Variants in GBA2 observed in about 807,000 individuals in gnomAD.
The protein encoded by GBA2 is non-lysosomal glucosylceramidase.
In GBA2, 79 loss-of-function variants were observed where a neutral mutation model predicts 112.9. The observed-to-expected ratio is 0.70, with a 90% CI of 0.58 to 0.84. The LOEUF is 0.84. Ranked by LOEUF, GBA2 falls within the 40% of genes least tolerant of loss-of-function variation. GBA2 has a pLI of 0.00. For missense variants in GBA2, 1,043 were observed against 1,190.0 expected (o/e 0.88, Z 1.82); for synonymous variants, 403 against 434.3 (o/e 0.93, Z 0.90).
At chr9:35,744,540 G>A in intron 2 of GBA2, 75 bp downstream of exon 2, 2 of 1,076,230 alleles carry the variant, frequency 1.9e-6, no homozygotes, top group East Asian at 2.4e-5. Flanking sequence ...GCATAAGCTG[G>A]AAGTCTCTTC....
chr9:35,748,537 C>T lies in GBA2; in HGVS notation c.168G>A (p.Glu56=). The T allele has an allele frequency of 6.2e-7, 1 of 1,614,220 alleles. No individual in the cohort carries two copies. Among genetic ancestry groups the T allele is most frequent in the Non-Finnish European group, 8.5e-7 (1 of 1,180,030 alleles). ...KSPEDSRPPK[E]TDCCNPEDSG... is the part of the protein sequence containing the mutation. ...AGTCCTCCGGATTGCAGCAGTCCGT[C>T]TCTTTTGGGGGTCGGCTGTCTTCGG... is the stretch of plus-strand genomic sequence containing the variant. The change falls in exon 1 of 17, where the codon GAG becomes GAA. Residue 56 remains glutamate, a synonymous_variant. Coordinates refer to ENST00000378103, the MANE Select transcript of GBA2 (RefSeq NM_020944.3).
intron 3 of GBA2, among the ~76,000 whole-genome samples, chr9:35,742,391 C>T (rs903092148): frequency 3.3e-5 from 5 of 152,192 alleles, no homozygotes; most frequent in African/African-American, 9.7e-5. Context: ...ACATTCTCTC[C>T]TCCATGCCTG....
In GBA2 at chr9:35,738,132, T is replaced by C. The variant is rs1826359281; in HGVS notation, c.2218A>G (p.Ser740Gly). Residue 740 changes from serine (S) to glycine (G), a missense_variant, in exon 15 of 17, where the codon AGC (serine) becomes GGC (glycine). By Grantham distance (56) the Ser-to-Gly change is moderately conservative. Transcript: ENST00000378103. ...CTACGAGACTGAGGCCGAGAGCTGCTGTCATAGTTGTAATAGCGGCCTGGA... is the reference window on the plus strand; with the variant it reads ...CTACGAGACTGAGGCCGAGAGCTGCCGTCATAGTTGTAATAGCGGCCTGGA... Reference protein sequence around the residue: ...LWNGRYYNYDSSSRPQSRSVM... With the variant: ...LWNGRYYNYDGSSRPQSRSVM... 6.2e-7 allele frequency: 1 copy of C among 1,613,926 alleles called. No homozygotes were observed. The highest frequency in any genetic ancestry group is 1.1e-5 in the South Asian group (1 of 91,082).
rs1232419832 is a variant in GBA2 at position 35,739,377 on chromosome 9, T to C, written c.1625A>G (p.Tyr542Cys). 2 of 1,613,532 alleles carry C rather than the reference T, an allele frequency of 1.2e-6. No individual in the cohort carries two copies. The highest frequency in any genetic ancestry group is 1.3e-5 in the African/African-American group (1 of 74,860). Residue 542 changes from tyrosine (Y) to cysteine (C), a missense_variant, in exon 10 of 17, where the codon TAT becomes TGT. Physicochemically the swap from Tyr to Cys is radical, Grantham distance 194 (BLOSUM62 -2). Coordinates refer to ENST00000378103, the MANE Select transcript of GBA2 (RefSeq NM_020944.3). ...RMYNTYDVHF[Y>C]ASFALIMLWP... ...GAGCATGATGAGGGCAAAGGAAGCA[T>C]AAAAGTGGACATCATATGTGTTGTA...
In GBA2 at chr9:35,741,102, A is replaced by G. The variant is rs369191964; in HGVS notation, c.787-38T>C. ...GATTAGACTCAGACGGTCCCAGTAG[A>G]GCGCCTCCTGACCCCACTCTGCTAG... On this transcript the variant is annotated intron_variant, in intron 4 of 16. Coordinates refer to ENST00000378103, the MANE Select transcript of GBA2 (RefSeq NM_020944.3). The surrounding 1 kb of genome is among the most constrained non-coding windows in gnomAD (Gnocchi z 4.6). 6 of 1,609,874 alleles carry G rather than the reference A, an allele frequency of 3.7e-6. No individual in the cohort carries two copies. The African/African-American group carries it at 8.0e-5, about 22-fold the overall frequency.
chr9:35,742,523 A>G (rs1826750440), intron 3 of GBA2, among the ~76,000 whole-genome samples: 1 of 152,130 alleles, frequency 6.6e-6, no homozygotes, highest in East Asian at 1.9e-4. Context: ...CTCCCCTTCT[A>G]TTCTAGCATT....
chr9:35,737,020 A>AC lies in GBA2; in HGVS notation c.*148dup. 8.2e-7 allele frequency: 1 copy of AC among 1,224,184 alleles called. No individual in the cohort carries two copies. The highest frequency in any genetic ancestry group is 1.1e-6 in the Non-Finnish European group (1 of 892,670). 75.8% of individuals were successfully genotyped at this position (1,224,184 alleles called of 1,614,324 possible). On this transcript the variant is annotated 3_prime_UTR_variant, in exon 17 of 17. Coordinates refer to ENST00000378103, the MANE Select transcript of GBA2 (RefSeq NM_020944.3). This position sits in a 1 kb window ranked among gnomAD's most constrained non-coding sequence, Gnocchi z 4.1. Reference sequence around the variant, plus strand: ...TCTAATGCTGCCTAGGTCACCCTCAACCCCCATTTACTGGCACAATTGGGT... The same window carrying AC: ...TCTAATGCTGCCTAGGTCACCCTCAACCCCCCATTTACTGGCACAATTGGGT...
At chr9:35,744,456 T>C (rs989017838) in intron 2 of GBA2, 44 bp from the exon 3 acceptor site, 6 of 1,223,710 alleles carry the variant, frequency 4.9e-6, no homozygotes. Context: ...GAGAGGAAAA[T>C]AAGCCCATTT....
intron 15 of GBA2, 25 bp downstream of exon 15, chr9:35,738,012 C>A (rs1174383418): frequency 6.3e-7 from 1 of 1,592,546 alleles, no homozygotes; most frequent in East Asian, 2.3e-5. Flanking sequence ...ATTTTTCTCT[C>A]TGGCTGCTCC....
intron 3 of GBA2, among the ~76,000 whole-genome samples, chr9:35,742,822 T>C (rs532924384): frequency 1.3e-5 from 2 of 152,252 alleles, no homozygotes; most frequent in Non-Finnish European, 2.9e-5. Context: ...GAGGGATTAA[T>C]ATCCCTTTCC....
In GBA2 at chr9:35,748,790, T is replaced by C. The variant is rs1263353679; in HGVS notation, c.-86A>G. 1.2e-6 allele frequency: 1 copy of C among 828,946 alleles called. No homozygotes were observed. Among genetic ancestry groups the C allele is most frequent in the Non-Finnish European group, 1.9e-6 (1 of 525,488 alleles). The allele number at this position is 828,946 out of a possible 1,614,324, so 51.3% of individuals were successfully genotyped here. Reference sequence around the variant, plus strand: ...GATGCGGGCGCCGGTCGTTGTTAGGTATCGTCCCGGAGGGCCGGGCGTTGG... The same window carrying C: ...GATGCGGGCGCCGGTCGTTGTTAGGCATCGTCCCGGAGGGCCGGGCGTTGG... On this transcript the variant is annotated 5_prime_UTR_variant, in exon 1 of 17. It adds an upstream start codon to the 5' untranslated region. Coordinates refer to ENST00000378103, the MANE Select transcript of GBA2 (RefSeq NM_020944.3).
At position 35,740,142 on chromosome 9, in the gene GBA2, G is replaced by T. The variant is rs771665591; in HGVS notation, c.1284-19C>A. On this transcript the variant is annotated intron_variant, in intron 7 of 16. Coordinates refer to ENST00000378103, the MANE Select transcript of GBA2 (RefSeq NM_020944.3). This position sits in a 1 kb window ranked among gnomAD's most constrained non-coding sequence, Gnocchi z 4.7. ...ATACCGCCTGGGGTGGGAAGGGGAAGGATGAACACAAGCCCCAGGTCAGAG... is the reference window on the plus strand; with the variant it reads ...ATACCGCCTGGGGTGGGAAGGGGAATGATGAACACAAGCCCCAGGTCAGAG... 2.5e-6 allele frequency: 4 copies of T among 1,614,054 alleles called. No homozygotes were observed. The South Asian group carries it at 4.4e-5, about 18-fold the overall frequency.
At chr9:35,742,238 T>A (rs1826733455) in intron 3 of GBA2, among the ~76,000 whole-genome samples, 1 of 152,224 alleles carries the variant, frequency 6.6e-6, no homozygotes, top group South Asian at 2.1e-4. Flanking sequence ...TGACTCCCCA[T>A]GGCCCTCAGG....
rs201259172 is a variant in GBA2, at chr9:35,739,665, G to A, written c.1545C>T (p.Pro515=). The A allele has an allele frequency of 1.9e-6, 3 of 1,614,074 alleles. No individual in the cohort carries two copies. Among genetic ancestry groups the A allele is most frequent in the East Asian group, 4.5e-5 (2 of 44,870 alleles). Residue 515 remains proline (P), a synonymous_variant, in exon 9 of 17, where the codon CCC becomes CCT. Transcript: ENST00000378103. The part of the protein sequence containing the change: ...ELGRNMCHLR[P]TLRDYGRFGY... ...CAAATCGACCGTAGTCCCGTAGGGT[G>A]GGGCGGAGGTGACACATGTTTCTGC...
rs746537028 is a variant in GBA2 at position 35,740,374 on chromosome 9, A to G, written c.1130-12T>C. 46 of 1,611,610 alleles carry G rather than the reference A, an allele frequency of 2.9e-5. No homozygotes were observed. The Admixed American group carries it at 5.7e-4, about 20-fold the overall frequency. ...AGGGGTGCTTTGGCCTGAGAGAAACACAAGAGAATTCAGGACAGGAGCCCC... is the reference window on the plus strand; with the variant it reads ...AGGGGTGCTTTGGCCTGAGAGAAACGCAAGAGAATTCAGGACAGGAGCCCC... On this transcript the variant is annotated splice_polypyrimidine_tract_variant and intron_variant, in intron 6 of 16. Transcript: ENST00000378103. The surrounding 1 kb of genome is among the most constrained non-coding windows in gnomAD (Gnocchi z 4.7).
Position 35,738,464 on chromosome 9 carries a change from C to T in GBA2, c.2054+62G>A, listed in dbSNP as rs557915725. 968 of 1,584,652 alleles carry T rather than the reference C, an allele frequency of 6.1e-4. 10 individuals are homozygous for T. In the Middle Eastern group the frequency reaches 0.028, roughly 46 times the overall value. On this transcript the variant is annotated intron_variant, in intron 13 of 16. Transcript: ENST00000378103. ...GACAATGAGTCATTCTTTCTTGAGC[C>T]CTACAATCCCTTGTTGCCCAGTTTC... is the stretch of plus-strand genomic sequence containing the variant.
rs1826718520 is a variant in GBA2 at position 35,741,966 on chromosome 9, C to T, written c.568-76G>A. 3.1e-6 allele frequency: 3 copies of T among 956,476 alleles called. No homozygotes were observed. The South Asian group carries it at 4.0e-5, about 13-fold the overall frequency. The allele number at this position is 956,476 out of a possible 1,614,324, so 59.2% of individuals were successfully genotyped here. ...TAAGTCTTCCCTCTCCTCAAATCAG[C>T]TCCTCCCCTTTCAGAGCCTGCAACT... On this transcript the variant is annotated intron_variant, in intron 3 of 16. Transcript: ENST00000378103. The surrounding 1 kb of genome is among the most constrained non-coding windows in gnomAD (Gnocchi z 4.6).
chr9:35,748,585 C>G lies in GBA2; in HGVS notation c.120G>C (p.Val40=). 1 of 1,613,930 alleles carries G rather than the reference C, an allele frequency of 6.2e-7. No homozygotes were observed. Among genetic ancestry groups the G allele is most frequent in the Admixed American group, 1.7e-5 (1 of 60,018 alleles). The part of the protein sequence containing the change: ...CPEETGGTKD[V]QVTDCKSPED... ...CGGGACTCTTACAGTCTGTAACCTG[C>G]ACATCCTTGGTGCCGCCAGTCTCTT... The change falls in exon 1 of 17, where the codon GTG becomes GTC. Residue 40 remains valine, a synonymous_variant. Transcript: ENST00000378103.
Position 35,738,036 on chromosome 9 carries a change from C to T in GBA2, c.2313+1G>A, listed in dbSNP as rs748969125. On this transcript the variant is annotated splice_donor_variant, in intron 15 of 16. Coordinates refer to ENST00000378103, the MANE Select transcript of GBA2 (RefSeq NM_020944.3). LOFTEE classifies it high-confidence loss of function. ...TCTGGCTGCTCCTCCTCCTCTCTCA[C>T]CTCAGTGTCTCCTTCTCCTAGGCCA... 6.2e-7 allele frequency: 1 copy of T among 1,604,228 alleles called. No homozygotes were observed. The highest frequency in any genetic ancestry group is 8.5e-7 in the Non-Finnish European group (1 of 1,173,418).
Sources: gnomAD v4.1 joint callset for allele counts (sites outside exome capture counted in the v4.1 genomes callset) on GRCh38, gnomAD v4.1.1 for gene constraint, Gnocchi (gnomAD v3.1) non-coding constraint, MANE v1.5 for transcripts, NCBI Gene and HGNC (gene_info 2026-07-23, HGNC 2026-07-21) for gene names.